The following NGLY1 variants were observed in gnomAD, a reference collection of about 807,000 sequenced individuals.
The protein encoded by NGLY1 is peptide-N(4)-(N-acetyl-beta-glucosaminyl)asparagine amidase.
In NGLY1, 68 loss-of-function variants were observed where a neutral mutation model predicts 84.6. That is an observed-to-expected ratio of 0.80 (90% CI 0.66 to 0.98). NGLY1 has a LOEUF of 0.98. Among genes scored for constraint, NGLY1 ranks in the 50% least tolerant of loss-of-function variants. The pLI is 0.00. For synonymous variants in NGLY1, 280 were observed against 275.2 expected (o/e 1.02, Z -0.17); for missense variants, 779 against 770.2 (o/e 1.01, Z -0.14).
intron 1 of NGLY1, among the ~76,000 whole-genome samples, chr3:25,789,390 A>G (rs1285636271): frequency 2.0e-5 from 3 of 152,210 alleles, no homozygotes; most frequent in Non-Finnish European, 4.4e-5. Context: ...AAAAGTAAAA[A>G]CTTTATTACA....
At position 25,766,856 on chromosome 3, in the gene NGLY1, C is replaced by G. The variant is rs77386422; in HGVS notation, c.247-2545G>C. On this transcript the variant is annotated intron_variant, in intron 2 of 11. Coordinates refer to ENST00000280700, the MANE Select transcript of NGLY1 (RefSeq NM_018297.4). ...CGCTGCTCATGCCATGCTCCCTTCC[C>G]TTCAGTCCCTTTACAACCAGTCCTA... Among the ~76,000 whole-genome samples, 15 of 152,292 alleles carry G rather than the reference C, an allele frequency of 9.8e-5. No homozygotes were observed. The East Asian group carries it at 2.9e-3, about 29-fold the overall frequency.
chr3:25,723,103 G>A (rs923402273), intron 10 of NGLY1, among the ~76,000 whole-genome samples: 1 of 152,086 alleles, frequency 6.6e-6, no homozygotes, highest in Non-Finnish European at 1.5e-5. Context: ...AAATATGATA[G>A]GCTGAAATTA....
upstream of NGLY1, among the ~76,000 whole-genome samples, chr3:25,785,521 C>CTT (rs35504148): frequency 7.1e-5 from 10 of 140,782 alleles, no homozygotes; most frequent in African/African-American, 1.5e-4. Flanking sequence ...TGCAACAGAA[C>CTT]TTTTTTTTTT....
intron 10 of NGLY1, among the ~76,000 whole-genome samples, chr3:25,720,555 A>G (rs530828492): frequency 1.3e-5 from 2 of 152,304 alleles, no homozygotes; most frequent in African/African-American, 4.8e-5. Context: ...TTTAAATGCA[A>G]CTACTCTTTA....
intron 1 of NGLY1, among the ~76,000 whole-genome samples, chr3:25,781,140 G>A (rs1708397020): frequency 2.6e-5 from 4 of 151,990 alleles, no homozygotes; most frequent in South Asian, 4.1e-4. Context: ...TTGTAGAGAC[G>A]GGGTTTAGCC....
chr3:25,739,465 T>G, intron 5 of NGLY1, 112 bp downstream of exon 5: 1 of 1,065,838 alleles, frequency 9.4e-7, no homozygotes, highest in Non-Finnish European at 1.3e-6. Flanking sequence ...TCACCGGTAT[T>G]TTAGAGGAAT....
intron 9 of NGLY1, among the ~76,000 whole-genome samples, chr3:25,731,833 AT>A (rs1214910370): frequency 6.6e-6 from 1 of 152,160 alleles, no homozygotes; most frequent in African/African-American, 2.4e-5. Context: ...ATGCTATATG[AT>A]TCCATTTTAT....
chr3:25,729,324 AAAG>A lies in NGLY1; in HGVS notation c.1426-9_1426-7del, dbSNP rs1342519806. Reference sequence around the variant, plus strand: ...ATAAACAAGGTTTCTTTTCTCTTAAAAAGAAAGCAGAATTAGTTTTTCAACATT... The same window carrying A: ...ATAAACAAGGTTTCTTTTCTCTTAAAAAAGCAGAATTAGTTTTTCAACATT... On this transcript the variant is annotated splice_polypyrimidine_tract_variant and splice_region_variant and intron_variant, in intron 9 of 11. Coordinates refer to ENST00000280700, the MANE Select transcript of NGLY1 (RefSeq NM_018297.4). The A allele has an allele frequency of 7.3e-7, 1 of 1,362,040 alleles. No homozygotes were observed. Among genetic ancestry groups the A allele is most frequent in the Non-Finnish European group, 9.6e-7 (1 of 1,042,744 alleles). 84.4% of individuals were successfully genotyped at this position (1,362,040 alleles called of 1,614,324 possible).
Position 25,737,525 on chromosome 3 carries a change from T to G in NGLY1, c.882-70A>C. On this transcript the variant is annotated intron_variant, in intron 5 of 11. Transcript: ENST00000280700. ...TTTAAGAGAATTTACATTACCTCTA[T>G]GCTAAACAGAAATGTTTAATTTTTT... 3.0e-6 allele frequency: 4 copies of G among 1,329,008 alleles called. No individual in the cohort carries two copies. In the Admixed American group the frequency reaches 1.0e-4, roughly 34 times the overall value. 82.3% of individuals were successfully genotyped at this position (1,329,008 alleles called of 1,614,324 possible).
chr3:25,723,728 T>C (rs898258683), intron 10 of NGLY1, among the ~76,000 whole-genome samples: 11 of 152,236 alleles, frequency 7.2e-5, no homozygotes, highest in African/African-American at 2.2e-4. Context: ...TTGATAGACA[T>C]ATTTTTGCCT....
At chr3:25,737,306 T>C (rs774324850) in intron 6 of NGLY1, 28 bp downstream of exon 6, 3 of 1,575,954 alleles carry the variant, frequency 1.9e-6, no homozygotes, top group Non-Finnish European at 2.6e-6. Context: ...AAAGCCCTAC[T>C]ACCCTCTGCT....
chr3:25,739,565 C>G lies in NGLY1; in HGVS notation c.881+12G>C, dbSNP rs758181219. On this transcript the variant is annotated intron_variant, in intron 5 of 11. Coordinates refer to ENST00000280700, the MANE Select transcript of NGLY1 (RefSeq NM_018297.4). ...AAGAGATTATTCTGATTTTACCATC[C>G]AGGGCACCCACCTTGGGAATCGATT... 3 of 1,612,820 alleles carry G rather than the reference C, an allele frequency of 1.9e-6. No homozygotes were observed. Among genetic ancestry groups the G allele is most frequent in the Admixed American group, 1.7e-5 (1 of 59,964 alleles).
chr3:25,719,200 T>TA lies in NGLY1; in HGVS notation c.*259dup, dbSNP rs1262164814. 3 of 291,484 alleles carry TA rather than the reference T, an allele frequency of 1.0e-5. No individual in the cohort carries two copies. The highest frequency in any genetic ancestry group is 5.9e-5 in the East Asian group (1 of 17,002). The allele number at this position is 291,484 out of a possible 1,614,324, so 18.1% of individuals were successfully genotyped here. A position where few individuals can be genotyped will look rare whatever the true frequency, so the allele number is the denominator to read the frequency against. ...ATTATTTAACTTTTAAAACCATACT[T>TA]ACAGTTTTAGATTAAAATCCCATAT... On this transcript the variant is annotated 3_prime_UTR_variant, in exon 12 of 12. Coordinates refer to ENST00000280700, the MANE Select transcript of NGLY1 (RefSeq NM_018297.4).
intron 2 of NGLY1, among the ~76,000 whole-genome samples, chr3:25,770,675 C>G (rs1160813965): frequency 6.6e-6 from 1 of 152,192 alleles, no homozygotes; most frequent in Non-Finnish European, 1.5e-5. Context: ...TACTAGTTTA[C>G]ATTCCCACCA....
chr3:25,733,221 G>C (rs184849890), intron 8 of NGLY1, among the ~76,000 whole-genome samples: 41 of 152,162 alleles, frequency 2.7e-4, no homozygotes, highest in African/African-American at 9.6e-4. Flanking sequence ...ACCTCACCTG[G>C]AATCATTATC....
At chr3:25,756,958 T>A (rs1320941417) in intron 3 of NGLY1, among the ~76,000 whole-genome samples, 2 of 152,220 alleles carry the variant, frequency 1.3e-5, no homozygotes, top group African/African-American at 2.4e-5. Context: ...TGGAAAGCTT[T>A]CGAGAATATA....
chr3:25,742,430 A>C (rs2125492600), intron 4 of NGLY1, among the ~76,000 whole-genome samples: 1 of 152,340 alleles, frequency 6.6e-6, no homozygotes, highest in Admixed American at 6.5e-5. Context: ...AGCTGAATAT[A>C]TATGAGATGA....
At chr3:25,730,965 T>G (rs1705508910) in intron 9 of NGLY1, among the ~76,000 whole-genome samples, 1 of 152,120 alleles carries the variant, frequency 6.6e-6, no homozygotes, top group Non-Finnish European at 1.5e-5. Context: ...GACAGTCTAT[T>G]ATACTGCCCT....
At chr3:25,769,343 G>A (rs899811116) in intron 2 of NGLY1, among the ~76,000 whole-genome samples, 7 of 151,986 alleles carry the variant, frequency 4.6e-5, no homozygotes, top group African/African-American at 1.4e-4. Flanking sequence ...CCTGGGCAAC[G>A]AAGTGGGACT....
Sources: gnomAD v4.1 joint callset for allele counts (sites outside exome capture counted in the v4.1 genomes callset) on GRCh38, gnomAD v4.1.1 for gene constraint, MANE v1.5 for transcripts, NCBI Gene and HGNC (gene_info 2026-07-23, HGNC 2026-07-21) for gene names.